The following NSRP1 variants were observed in gnomAD, a reference collection of about 807,000 sequenced individuals.
NSRP1 encodes coiled-coil domain containing 55.
In NSRP1, 24 loss-of-function variants were observed where a neutral mutation model predicts 54.7. The observed-to-expected ratio is 0.44, with a 90% CI of 0.32 to 0.62. NSRP1 has a LOEUF of 0.62. NSRP1 is among the 20% of genes least tolerant of loss of function. The pLI is 0.06. For synonymous variants in NSRP1, 210 were observed against 213.8 expected, an observed-to-expected ratio of 0.98 and a Z score of 0.15; for missense variants, 596 against 651.2, an observed-to-expected ratio of 0.92 and a Z score of 0.92.
chr17:30,177,082 G>A (rs1307971300), intron 3 of NSRP1, among the ~76,000 whole-genome samples: 2 of 152,032 alleles, frequency 1.3e-5, no homozygotes, highest in South Asian at 2.1e-4. Context: ...AAGTAAAAAC[G>A]CCCATGCCTG....
intron 2 of NSRP1, among the ~76,000 whole-genome samples, chr17:30,129,757 T>C (rs1400928213): frequency 1.3e-5 from 2 of 152,338 alleles, no homozygotes; most frequent in South Asian, 2.1e-4. Context: ...TCTGTAGATA[T>C]AGTCTAGTAT....
At chr17:30,177,128 G>C (rs572878250) in intron 3 of NSRP1, among the ~76,000 whole-genome samples, 8 of 152,094 alleles carry the variant, frequency 5.3e-5, no homozygotes, top group African/African-American at 1.4e-4. Flanking sequence ...CAGCACTTTG[G>C]GGGGCGCTGA....
At chr17:30,123,884 A>G (rs2151875477) in intron 2 of NSRP1, among the ~76,000 whole-genome samples, 1 of 152,316 alleles carries the variant, frequency 6.6e-6, no homozygotes, top group South Asian at 2.1e-4. Flanking sequence ...TTTAATATAC[A>G]AATAATTATA....
intron 5 of NSRP1, among the ~76,000 whole-genome samples, chr17:30,180,647 T>C (rs769229443): frequency 1.3e-5 from 2 of 152,236 alleles, no homozygotes; most frequent in African/African-American, 2.4e-5. Context: ...GGGCTTTTTG[T>C]GTATATGATC....
chr17:30,167,819 C>T (rs957734623), intron 2 of NSRP1, among the ~76,000 whole-genome samples: 6 of 151,938 alleles, frequency 3.9e-5, no homozygotes, highest in Non-Finnish European at 7.4e-5. Flanking sequence ...TAAATAGACT[C>T]GTTTTTCCTT....
chr17:30,171,972 A>ACACTCT (rs1169988659), intron 2 of NSRP1, among the ~76,000 whole-genome samples: 11 of 46,556 alleles, frequency 2.4e-4, no homozygotes, highest in African/African-American at 3.1e-4. Context: ...ACACACACAC[A>ACACTCT]CTCCCTCTCT....
In NSRP1 at chr17:30,185,416, C is replaced by T. The variant is rs138625002; in HGVS notation, c.1419C>T (p.Asn473=). The part of the protein sequence containing the change: ...KDKFLDQERS[N]KMRNMAKDKE... ...AATTTCTTGACCAAGAAAGATCCAA[C>T]AAAATGAGAAACATGGCAAAGGACA... The change falls in exon 7 of 7, where the codon AAC becomes AAT. Residue 473 remains asparagine, a synonymous_variant. Transcript: ENST00000247026. The T allele has an allele frequency of 1.5e-4, 236 of 1,609,206 alleles. 1 individual carries two copies. Among genetic ancestry groups the T allele is most frequent in the Middle Eastern group, 5.0e-4 (3 of 6,056 alleles).
At chr17:30,143,254 A>G (rs1384567176) in intron 2 of NSRP1, among the ~76,000 whole-genome samples, 3 of 152,222 alleles carry the variant, frequency 2.0e-5, no homozygotes, top group East Asian at 3.8e-4. Flanking sequence ...GAAATAAAAT[A>G]GATCAAATCA....
At chr17:30,183,839 T>A (rs1440688212) in intron 6 of NSRP1, among the ~76,000 whole-genome samples, 3 of 152,196 alleles carry the variant, frequency 2.0e-5, no homozygotes, top group Non-Finnish European at 4.4e-5. Context: ...TATTTAGGAT[T>A]ATATTTGCCA....
At chr17:30,148,593 T>C (rs1486078727) in intron 2 of NSRP1, among the ~76,000 whole-genome samples, 3 of 152,124 alleles carry the variant, frequency 2.0e-5, no homozygotes, top group African/African-American at 7.2e-5. Flanking sequence ...GGGAAACAGT[T>C]TAGGATTGGC....
At chr17:30,133,355 C>T (rs2071719647) in intron 2 of NSRP1, among the ~76,000 whole-genome samples, 1 of 152,082 alleles carries the variant, frequency 6.6e-6, no homozygotes, top group East Asian at 1.9e-4. Context: ...CAACATTCAT[C>T]TCCTTGTACA....
At chr17:30,176,266 G>T (rs1324274762) in intron 3 of NSRP1, among the ~76,000 whole-genome samples, 1 of 151,990 alleles carries the variant, frequency 6.6e-6, no homozygotes, top group Non-Finnish European at 1.5e-5. Context: ...ATCTACTCAA[G>T]TGCTCCCCTA....
intron 2 of NSRP1, among the ~76,000 whole-genome samples, chr17:30,134,066 GC>G (rs1420209001): frequency 1.3e-5 from 2 of 152,150 alleles, no homozygotes; most frequent in Non-Finnish European, 1.5e-5. Context: ...ACACTTAAAG[GC>G]CATTGTAGGG....
Position 30,156,259 on chromosome 17 carries a change from G to A in NSRP1, c.115-16283G>A, listed in dbSNP as rs564569478. ...TCCATCAGGAAGTTGCTCTACTATC[G>A]GACATTAGAACTTACTCCTCTAACT... On this transcript the variant is annotated intron_variant, in intron 2 of 6. Coordinates refer to ENST00000247026, the MANE Select transcript of NSRP1 (RefSeq NM_032141.4). Among the ~76,000 whole-genome samples the A allele has an allele frequency of 2.3e-3, 93 of 41,242 alleles. 15 individuals carry two copies. Among genetic ancestry groups the A allele is most frequent in the African/African-American group, 8.7e-3 (87 of 9,944 alleles). The allele number at this position is 41,242 out of a possible 152,430, so 27.1% of individuals were successfully genotyped here. A position where few individuals can be genotyped will look rare whatever the true frequency, so the allele number is the denominator to read the frequency against.
intron 2 of NSRP1, among the ~76,000 whole-genome samples, chr17:30,126,735 G>A (rs56195309): frequency 0.38 from 58,105 of 152,078 alleles, 13,557 homozygotes; most frequent in East Asian, 0.82. Context: ...CCACCGGTGC[G>A]AGACACCACT....
chr17:30,184,687 G>A lies in NSRP1; in HGVS notation c.690G>A (p.Glu230=). ...GTTCAAAAAACAGAATACCACAAGA[G>A]AAATGCATTCTTCAAACTGATGTGA... The part of the protein sequence containing the change: ...EVSSKNRIPQ[E]KCILQTDVKV... Residue 230 remains glutamate (E), a synonymous_variant, in exon 7 of 7, where the codon GAG becomes GAA. Transcript: ENST00000247026. The A allele has an allele frequency of 6.2e-7, 1 of 1,612,436 alleles. No individual in the cohort carries two copies. Among genetic ancestry groups the A allele is most frequent in the South Asian group, 1.1e-5 (1 of 90,520 alleles).
At chr17:30,172,414 C>A in intron 2 of NSRP1, 128 bp from the exon 3 acceptor site, 2 of 581,210 alleles carry the variant, frequency 3.4e-6, no homozygotes, top group Admixed American at 3.6e-5. Flanking sequence ...GGTGCTGAAC[C>A]AGTAAGTATT....
At chr17:30,176,072 A>G (rs1296071823) in intron 3 of NSRP1, among the ~76,000 whole-genome samples, 1 of 150,456 alleles carries the variant, frequency 6.6e-6, no homozygotes, top group Non-Finnish European at 1.5e-5. Context: ...GTTAATCCAT[A>G]TATATTCATA....
chr17:30,121,012 T>C (rs1423066231), intron 2 of NSRP1, among the ~76,000 whole-genome samples: 1 of 152,084 alleles, frequency 6.6e-6, no homozygotes, highest in African/African-American at 2.4e-5. Context: ...ATAATTTCAT[T>C]TGGGAGAGAA....
Sources: gnomAD v4.1 joint callset for allele counts (sites outside exome capture counted in the v4.1 genomes callset) on GRCh38, gnomAD v4.1.1 for gene constraint, MANE v1.5 for transcripts, NCBI Gene and HGNC (gene_info 2026-07-23, HGNC 2026-07-21) for gene names.